The following DPYSL3 variants were observed in gnomAD, a reference collection of about 807,000 sequenced individuals.
The protein encoded by DPYSL3 is dihydropyrimidinase like 3.
A neutral mutation model predicts 66.1 loss-of-function variants in DPYSL3; 16 were observed. The ratio of observed to expected loss-of-function variants is 0.24; its 90% CI spans 0.16 to 0.37. The LOEUF (loss-of-function observed/expected upper bound fraction) is 0.37. DPYSL3 is among the 10% of genes least tolerant of loss of function. DPYSL3 has a pLI of 1.00. For synonymous variants in DPYSL3, 338 were observed against 345.1 expected, an observed-to-expected ratio of 0.98 and a Z score of 0.23; for missense variants, 738 against 916.2, an observed-to-expected ratio of 0.81 and a Z score of 2.51.
intron 2 of DPYSL3, among the ~76,000 whole-genome samples, chr5:147,422,649 C>A (rs918318093): frequency 1.1e-4 from 16 of 152,114 alleles, no homozygotes; most frequent in African/African-American, 3.1e-4. Context: ...GGCACATATA[C>A]ATCATGAAAT....
intron 8 of DPYSL3, among the ~76,000 whole-genome samples, chr5:147,405,095 T>C (rs1254689335): frequency 1.3e-5 from 2 of 152,212 alleles, no homozygotes; most frequent in African/African-American, 4.8e-5. Flanking sequence ...TCTGTAACTG[T>C]TCATACTGAA....
At chr5:147,453,740 G>A (rs1460801683) in intron 1 of DPYSL3, 21 of 1,312,170 alleles carry the variant, frequency 1.6e-5, no homozygotes, top group East Asian at 9.5e-5. Flanking sequence ...CCCCCCTCCC[G>A]GGCTCCCGCG....
At chr5:147,442,497 T>G (rs1752551572) in intron 1 of DPYSL3, among the ~76,000 whole-genome samples, 1 of 152,246 alleles carries the variant, frequency 6.6e-6, no homozygotes, top group Non-Finnish European at 1.5e-5. Context: ...GATTTCAATC[T>G]GTAGTCTGAT....
At chr5:147,426,394 G>C (rs1036149047) in intron 1 of DPYSL3, among the ~76,000 whole-genome samples, 1 of 152,066 alleles carries the variant, frequency 6.6e-6, no homozygotes, top group Non-Finnish European at 1.5e-5. Flanking sequence ...AGGTAGGCAG[G>C]CTACTCATGC....
At position 147,400,211 on chromosome 5, in the gene DPYSL3, T is replaced by G. The variant is rs376047742; in HGVS notation, c.1452+481A>C. Among the ~76,000 whole-genome samples, 18 of 152,344 alleles carry G rather than the reference T, an allele frequency of 1.2e-4. 1 individual carries two copies. Among genetic ancestry groups the G allele is most frequent in the Admixed American group, 7.8e-4 (12 of 15,306 alleles). Reference sequence around the variant, plus strand: ...AACAAGGAAAATAAAACAGGCCACTTGCCAGAAGACATTTAGAGACAATCA... The same window carrying G: ...AACAAGGAAAATAAAACAGGCCACTGGCCAGAAGACATTTAGAGACAATCA... On this transcript the variant is annotated intron_variant, in intron 10 of 13. Transcript: ENST00000343218.
intron 1 of DPYSL3, among the ~76,000 whole-genome samples, chr5:147,461,584 G>A (rs1450313832): frequency 2.0e-5 from 3 of 152,148 alleles, no homozygotes; most frequent in African/African-American, 7.2e-5. Flanking sequence ...CCCAGACAAC[G>A]ATGCTGCTTC....
At chr5:147,462,086 A>C (rs1752942115) in intron 1 of DPYSL3, among the ~76,000 whole-genome samples, 1 of 152,170 alleles carries the variant, frequency 6.6e-6, no homozygotes, top group African/African-American at 2.4e-5. Flanking sequence ...GATGCCACAA[A>C]AGCCTGACAA....
chr5:147,469,727 C>T (rs1419603144), intron 1 of DPYSL3, among the ~76,000 whole-genome samples: 1 of 152,114 alleles, frequency 6.6e-6, no homozygotes, highest in Non-Finnish European at 1.5e-5. Flanking sequence ...GGGTGTATGA[C>T]CCCAAAGAGG....
intron 6 of DPYSL3, 73 bp from the exon 7 acceptor site, chr5:147,408,869 G>T: frequency 7.4e-7 from 1 of 1,359,936 alleles, no homozygotes; most frequent in Admixed American, 1.8e-5. Context: ...GGTATGTTCT[G>T]ATCTAAAGAT....
At chr5:147,489,205 T>G (rs1019161012) in intron 1 of DPYSL3, among the ~76,000 whole-genome samples, 3 of 152,112 alleles carry the variant, frequency 2.0e-5, no homozygotes, top group Non-Finnish European at 1.5e-5. Context: ...GACCGGATTC[T>G]GCTTTCCTAT....
Position 147,397,730 on chromosome 5 carries a change from C to T in DPYSL3, c.1739G>A (p.Gly580Asp). The change falls in exon 12 of 14, where the codon GGC (glycine) becomes GAC (aspartate). Residue 580 changes from glycine (G) to aspartate (D), a missense_variant. Physicochemically the swap from Gly to Asp is moderately conservative, Grantham distance 94 (BLOSUM62 -1). Transcript: ENST00000343218. ...GAACGGGCTGCAGGGTATGAAGCGG[C>T]CAGCCCCCTGGGTCACGTGCAGGTT... is the stretch of plus-strand genomic sequence containing the variant. Reference protein sequence around the residue: ...DGNLHVTQGAGRFIPCSPFSD... With the variant: ...DGNLHVTQGADRFIPCSPFSD... 1 of 1,614,114 alleles carries T rather than the reference C, an allele frequency of 6.2e-7. No homozygotes were observed. The highest frequency in any genetic ancestry group is 8.5e-7 in the Non-Finnish European group (1 of 1,180,024).
chr5:147,488,262 GAGGTAGATCA>G (rs1467655706), intron 1 of DPYSL3, among the ~76,000 whole-genome samples: 1 of 152,120 alleles, frequency 6.6e-6, no homozygotes, highest in Non-Finnish European at 1.5e-5. Flanking sequence ...AAGAAACCAG[GAGGTAGATCA>G]AGGGAAGGAA....
At chr5:147,474,625 G>A (rs1753132050) in intron 1 of DPYSL3, among the ~76,000 whole-genome samples, 1 of 152,028 alleles carries the variant, frequency 6.6e-6, no homozygotes, top group Admixed American at 6.6e-5. Context: ...GGTAATGATT[G>A]TATGGAGATT....
chr5:147,436,304 T>C (rs547622519), intron 1 of DPYSL3, among the ~76,000 whole-genome samples: 27 of 152,344 alleles, frequency 1.8e-4, no homozygotes, highest in Non-Finnish European at 3.4e-4. Context: ...ATATGGATTA[T>C]GATTATTATG....
intron 12 of DPYSL3, among the ~76,000 whole-genome samples, 192 bp downstream of exon 12, chr5:147,397,474 T>C (rs1204358399): frequency 6.6e-6 from 1 of 152,216 alleles, no homozygotes. Flanking sequence ...AAAAGCTCTC[T>C]TTGAACAAAA....
intron 1 of DPYSL3, among the ~76,000 whole-genome samples, chr5:147,482,959 A>T (rs990561689): frequency 6.6e-6 from 1 of 152,160 alleles, no homozygotes; most frequent in Non-Finnish European, 1.5e-5. Context: ...AAACCATCAG[A>T]TCTCGTGAGA....
chr5:147,394,157 A>C, intron 13 of DPYSL3, 34 bp from the exon 14 acceptor site: 1 of 1,609,352 alleles, frequency 6.2e-7, no homozygotes, highest in Non-Finnish European at 8.5e-7. Context: ...GGGGGAAAAA[A>C]AAAACAGAGT....
At chr5:147,396,822 T>C (rs992496956) in intron 12 of DPYSL3, among the ~76,000 whole-genome samples, 1 of 150,670 alleles carries the variant, frequency 6.6e-6, no homozygotes, top group Non-Finnish European at 1.5e-5. Context: ...CTAATACACA[T>C]ATATATACAA....
intron 12 of DPYSL3, among the ~76,000 whole-genome samples, chr5:147,396,457 C>T (rs1757975297): frequency 6.6e-6 from 1 of 152,158 alleles, no homozygotes; most frequent in Non-Finnish European, 1.5e-5. Context: ...CACACAACCT[C>T]CACCCATTTC....
Sources: gnomAD v4.1 joint callset for allele counts (sites outside exome capture counted in the v4.1 genomes callset) on GRCh38, gnomAD v4.1.1 for gene constraint, MANE v1.5 for transcripts, NCBI Gene and HGNC (gene_info 2026-07-23, HGNC 2026-07-21) for gene names.